Variants in FAM13A observed in about 807,000 individuals in gnomAD.
FAM13A encodes protein FAM13A.
A neutral mutation model predicts 129.6 loss-of-function variants in FAM13A; 76 were observed. That is an observed-to-expected ratio of 0.59 (90% CI 0.49 to 0.71). The LOEUF (loss-of-function observed/expected upper bound fraction) is 0.71, where lower values mean the gene tolerates loss of function less well. Ranked by LOEUF, FAM13A falls within the 30% of genes least tolerant of loss-of-function variation. FAM13A has a pLI of 0.00. For synonymous variants in FAM13A, 443 were observed against 449.9 expected (o/e 0.98, Z 0.20); for missense variants, 1,108 against 1,249.3 (o/e 0.89, Z 1.70).
intron 11 of FAM13A, among the ~76,000 whole-genome samples, chr4:88,776,421 C>T (rs1721728427): frequency 6.6e-6 from 1 of 152,032 alleles, no homozygotes. Flanking sequence ...TAATATCTAC[C>T]TATGGATTAT....
rs570067719 is a variant in FAM13A, at chr4:89,042,052, G to A, written c.28-12403C>T. On this transcript the variant is annotated intron_variant, in intron 1 of 23. Coordinates refer to ENST00000264344, the MANE Select transcript of FAM13A (RefSeq NM_014883.4). Reference sequence around the variant, plus strand: ...AAAGTGCTCGGTTAAAACGTACCCAGCCTTCATTGCAGCACATCTTTGATG... The same window carrying A: ...AAAGTGCTCGGTTAAAACGTACCCAACCTTCATTGCAGCACATCTTTGATG... Among the ~76,000 whole-genome samples, 3 of 149,898 alleles carry A rather than the reference G, an allele frequency of 2.0e-5. No individual in the cohort carries two copies. The East Asian group carries it at 5.9e-4, about 30-fold the overall frequency.
intron 4 of FAM13A, among the ~76,000 whole-genome samples, chr4:88,940,564 A>T (rs1490343489): frequency 6.6e-6 from 1 of 152,214 alleles, no homozygotes; most frequent in Non-Finnish European, 1.5e-5. Context: ...CAGACTCTCC[A>T]AATAGAAAAG....
At chr4:88,994,534 C>T (rs764541792) in intron 3 of FAM13A, among the ~76,000 whole-genome samples, 5 of 152,206 alleles carry the variant, frequency 3.3e-5, no homozygotes, top group Admixed American at 6.5e-5. Context: ...CTGACGCTTG[C>T]GAGAAAGAAG....
chr4:89,015,504 T>C (rs994251433), intron 3 of FAM13A, among the ~76,000 whole-genome samples: 3 of 152,152 alleles, frequency 2.0e-5, no homozygotes, highest in Non-Finnish European at 4.4e-5. Context: ...TTAGGAAAAA[T>C]AGAAAAGGAC....
chr4:88,774,745 A>G, intron 11 of FAM13A, among the ~76,000 whole-genome samples: 1 of 152,226 alleles, frequency 6.6e-6, no homozygotes. Context: ...AAGGAGATGC[A>G]CGTAATATTT....
At position 88,749,922 on chromosome 4, in the gene FAM13A, C is replaced by T. The variant is rs747179680; in HGVS notation, c.1941-13G>A. 9 of 1,611,514 alleles carry T rather than the reference C, an allele frequency of 5.6e-6. No individual in the cohort carries two copies. The highest frequency in any genetic ancestry group is 2.2e-5 in the South Asian group (2 of 90,798). ...GGAGCTTCGCCGCCTGTGAAGAGTA[C>T]GACTTGGGTCAGTTTCCCCAGGAGC... is the stretch of plus-strand genomic sequence containing the variant. On this transcript the variant is annotated splice_polypyrimidine_tract_variant and intron_variant, in intron 15 of 23. Coordinates refer to ENST00000264344, the MANE Select transcript of FAM13A (RefSeq NM_014883.4).
intron 5 of FAM13A, among the ~76,000 whole-genome samples, chr4:88,930,735 G>T (rs1752903417): frequency 6.6e-6 from 1 of 152,216 alleles, no homozygotes; most frequent in Non-Finnish European, 1.5e-5. Flanking sequence ...GGGCTCTTAA[G>T]GTCCTAGGCA....
At position 88,760,603 on chromosome 4, in the gene FAM13A, C is replaced by CAAAAAAAAAAAAAAAAAAAA. The variant is rs745711965; in HGVS notation, c.1579-1722_1579-1703dup. Among the ~76,000 whole-genome samples, 3 of 65,840 alleles carry CAAAAAAAAAAAAAAAAAAAA rather than the reference C, an allele frequency of 4.6e-5. 1 individual carries two copies. The highest frequency in any genetic ancestry group is 3.0e-4 in the African/African-American group (3 of 10,032). The allele number at this position is 65,840 out of a possible 152,430, so 43.2% of individuals were successfully genotyped here. A position where few individuals can be genotyped will look rare whatever the true frequency, so the allele number is the denominator to read the frequency against. ...TGGGCGACAGAGCGAGACTCCGTCT[C>CAAAAAAAAAAAAAAAAAAAA]AAAAAAAAAAAAAAAAAAAAAAAAA... On this transcript the variant is annotated intron_variant, in intron 13 of 23. Coordinates refer to ENST00000264344, the MANE Select transcript of FAM13A (RefSeq NM_014883.4).
intron 1 of FAM13A, among the ~76,000 whole-genome samples, chr4:89,036,037 A>C (rs1386197375): frequency 6.6e-6 from 1 of 152,220 alleles, no homozygotes; most frequent in Non-Finnish European, 1.5e-5. Context: ...AGGAGTGGGC[A>C]TTGCTATAAA....
chr4:88,947,278 G>A (rs955291324), intron 4 of FAM13A, among the ~76,000 whole-genome samples: 2 of 152,140 alleles, frequency 1.3e-5, no homozygotes, highest in African/African-American at 4.8e-5. Flanking sequence ...GGGCGTGGTA[G>A]TGTGCACCTG....
intron 2 of FAM13A, among the ~76,000 whole-genome samples, chr4:89,023,852 G>A (rs1216517360): frequency 8.0e-6 from 1 of 125,748 alleles, no homozygotes; most frequent in African/African-American, 3.0e-5. Context: ...GTACCCACAT[G>A]AGGCTTACCA....
At position 88,851,048 on chromosome 4, in the gene FAM13A, C is replaced by T; in HGVS notation, c.979G>A (p.Gly327Ser). 1 of 1,613,908 alleles carries T rather than the reference C, an allele frequency of 6.2e-7. No individual in the cohort carries two copies. ...GGTACCAACTTGGCACTAATAGCAC[C>T]CTCTGCTGAATTCATGTCTTCCAAG... ...ACLEDMNSAE[G>S]AISAKLVPSS... The change falls in exon 7 of 24, where the codon GGT becomes AGT. Residue 327 changes from glycine (G) to serine (S), a missense_variant. Coordinates refer to ENST00000264344, the MANE Select transcript of FAM13A (RefSeq NM_014883.4).
intron 6 of FAM13A, among the ~76,000 whole-genome samples, chr4:88,865,130 A>ACTG (rs1305116646): frequency 3.3e-5 from 5 of 152,326 alleles, no homozygotes; most frequent in African/African-American, 1.2e-4. Flanking sequence ...ACTGATAAAA[A>ACTG]TTGTAGTAAA....
chr4:88,994,640 G>A (rs530835739), intron 3 of FAM13A, among the ~76,000 whole-genome samples: 1 of 152,056 alleles, frequency 6.6e-6, no homozygotes, highest in Non-Finnish European at 1.5e-5. Flanking sequence ...AGGAGTTTGA[G>A]ACCAGCCTGG....
chr4:88,977,428 C>T (rs1355365959), intron 4 of FAM13A, among the ~76,000 whole-genome samples: 1 of 152,130 alleles, frequency 6.6e-6, no homozygotes, highest in Non-Finnish European at 1.5e-5. Context: ...TCTGCATCAC[C>T]CTGGTGAGGT....
intron 7 of FAM13A, among the ~76,000 whole-genome samples, chr4:88,836,764 A>C (rs908122270): frequency 6.6e-6 from 1 of 152,048 alleles, no homozygotes; most frequent in Non-Finnish European, 1.5e-5. Flanking sequence ...GTTTGAGACC[A>C]GCCTGACCAA....
intron 6 of FAM13A, among the ~76,000 whole-genome samples, chr4:88,896,344 A>G (rs1746320428): frequency 1.3e-5 from 2 of 152,060 alleles, no homozygotes; most frequent in Non-Finnish European, 2.9e-5. Flanking sequence ...TGGGTGCAGC[A>G]CACCAGCGTG....
chr4:88,998,048 G>A (rs11097208), intron 3 of FAM13A, among the ~76,000 whole-genome samples: 2 of 151,986 alleles, frequency 1.3e-5, no homozygotes, highest in African/African-American at 4.8e-5. Context: ...CTGCATGGAA[G>A]TGAATTCTGC....
chr4:88,930,294 C>T (rs1238075441), intron 5 of FAM13A, among the ~76,000 whole-genome samples: 1 of 152,066 alleles, frequency 6.6e-6, no homozygotes, highest in Non-Finnish European at 1.5e-5. Context: ...TTGATAATTA[C>T]ACATCTGGTA....
Sources: allele counts gnomAD v4.1 joint callset (sites outside exome capture counted in the v4.1 genomes callset), GRCh38; gene constraint gnomAD v4.1.1; transcripts MANE v1.5; gene names NCBI Gene and HGNC (gene_info 2026-07-23, HGNC 2026-07-21).